PCDH15: variants seen among roughly 807,000 people sequenced by gnomAD.
The protein encoded by PCDH15 is protocadherin related 15.
PCDH15 carries 129 observed loss-of-function variants against 178.5 expected under a neutral mutation model. That is an observed-to-expected ratio of 0.72 (90% CI 0.63 to 0.84). The LOEUF (loss-of-function observed/expected upper bound fraction) is 0.84, where lower values mean the gene tolerates loss of function less well. PCDH15 is among the 40% of genes least tolerant of loss of function. The pLI is 0.00. For synonymous variants in PCDH15, 800 were observed against 732.0 expected (o/e 1.09, Z -1.50); for missense variants, 2,230 against 2,099.9 (o/e 1.06, Z -1.21).
intron 2 of PCDH15, among the ~76,000 whole-genome samples, chr10:55,140,245 G>T (rs936479060): frequency 6.6e-6 from 1 of 151,716 alleles, no homozygotes; most frequent in Non-Finnish European, 1.5e-5. Flanking sequence ...GCACTAGCTA[G>T]AATTTTTGGT....
intron 2 of PCDH15, among the ~76,000 whole-genome samples, chr10:54,578,196 T>TA (rs1251270974): frequency 1.3e-5 from 2 of 152,074 alleles, no homozygotes; most frequent in East Asian, 1.9e-4. Context: ...TGTAGTTCTT[T>TA]AAAAAAATCC....
intron 27 of PCDH15, among the ~76,000 whole-genome samples, chr10:53,863,399 T>C (rs1184881962): frequency 6.6e-6 from 1 of 152,038 alleles, no homozygotes; most frequent in Admixed American, 6.6e-5. Flanking sequence ...AGGGTAATAG[T>C]CAAGCATTGC....
At chr10:55,174,458 A>G (rs1360509527) in intron 1 of PCDH15, among the ~76,000 whole-genome samples, 1 of 152,174 alleles carries the variant, frequency 6.6e-6, no homozygotes, top group East Asian at 1.9e-4. Context: ...TGGCCTCCAG[A>G]GGAAAGTATT....
chr10:53,825,603 T>C (rs1000586636), intron 32 of PCDH15, among the ~76,000 whole-genome samples: 2 of 151,610 alleles, frequency 1.3e-5, no homozygotes, highest in African/African-American at 4.8e-5. Flanking sequence ...AAAGTAATTA[T>C]AGCATTCATA....
chr10:54,384,324 C>CG (rs1949660414), intron 3 of PCDH15, among the ~76,000 whole-genome samples: 1 of 39,386 alleles, frequency 2.5e-5, no homozygotes, highest in African/African-American at 6.7e-5. Context: ...AAGATCCCCC[C>CG]CCTTTTTTTT....
intron 20 of PCDH15, among the ~76,000 whole-genome samples, chr10:54,004,396 TACAC>T (rs199816870): frequency 0.076 from 5,535 of 72,878 alleles, 144 homozygotes; most frequent in South Asian, 0.23. Flanking sequence ...ACCTAAAGAC[TACAC>T]ACACACACAC....
At chr10:54,400,780 C>T (rs1951831696) in intron 3 of PCDH15, among the ~76,000 whole-genome samples, 1 of 151,300 alleles carries the variant, frequency 6.6e-6, no homozygotes, top group Non-Finnish European at 1.5e-5. Flanking sequence ...CAGATATCTA[C>T]CAGCAAAATA....
chr10:55,612,383 C>T (rs1445397829), intron 2 of PCDH15, among the ~76,000 whole-genome samples: 1 of 151,870 alleles, frequency 6.6e-6, no homozygotes, highest in Non-Finnish European at 1.5e-5. Flanking sequence ...TTCTATTATG[C>T]CAAAGTGTTT....
intron 8 of PCDH15, among the ~76,000 whole-genome samples, chr10:54,276,120 G>A (rs1049362673): frequency 6.6e-6 from 1 of 151,376 alleles, no homozygotes; most frequent in African/African-American, 2.4e-5. Flanking sequence ...CACAAAGAAA[G>A]CAAAACCCAT....
At chr10:53,913,433 G>A (rs935480128) in intron 25 of PCDH15, among the ~76,000 whole-genome samples, 1 of 151,918 alleles carries the variant, frequency 6.6e-6, no homozygotes, top group Non-Finnish European at 1.5e-5. Flanking sequence ...ATGAGATCTA[G>A]TTAAAATAAA....
chr10:54,107,960 C>T (rs1047885868), intron 15 of PCDH15, among the ~76,000 whole-genome samples: 7 of 152,108 alleles, frequency 4.6e-5, no homozygotes, highest in Admixed American at 1.3e-4. Context: ...GGTGTGATTT[C>T]AAAGCCCAAA....
chr10:54,771,758 CAGGTTG>C (rs908965392), intron 1 of PCDH15, among the ~76,000 whole-genome samples: 12 of 152,016 alleles, frequency 7.9e-5, no homozygotes, highest in Non-Finnish European at 1.3e-4. Context: ...AGACAGAGGA[CAGGTTG>C]AGGTTTGATT....
At chr10:55,625,231 C>T (rs760162634) in intron 2 of PCDH15, among the ~76,000 whole-genome samples, 1 of 151,632 alleles carries the variant, frequency 6.6e-6, no homozygotes, top group Non-Finnish European at 1.5e-5. Flanking sequence ...TCCAAGGCTG[C>T]AAATATACAA....
chr10:55,499,448 CACACAA>C (rs1379792773), intron 2 of PCDH15, among the ~76,000 whole-genome samples: 1 of 142,318 alleles, frequency 7.0e-6, no homozygotes, highest in Non-Finnish European at 1.5e-5. Flanking sequence ...CACACACACA[CACACAA>C]ATAATGTTGC....
At chr10:54,001,847 G>C (rs11003986) in intron 20 of PCDH15, among the ~76,000 whole-genome samples, 14,053 of 151,678 alleles carry the variant, frequency 0.093, 1,878 homozygotes, top group African/African-American at 0.29. Context: ...CACCTATAAA[G>C]ACACACATAG....
At chr10:55,343,054 A>G (rs1227438599) in intron 2 of PCDH15, among the ~76,000 whole-genome samples, 1 of 152,170 alleles carries the variant, frequency 6.6e-6, no homozygotes, top group African/African-American at 2.4e-5. Flanking sequence ...ACAGAAACCA[A>G]TATGGGTCTC....
chr10:54,397,817 T>C (rs926768411), intron 3 of PCDH15, among the ~76,000 whole-genome samples: 2 of 151,966 alleles, frequency 1.3e-5, no homozygotes, highest in African/African-American at 4.8e-5. Flanking sequence ...GACAAATGTT[T>C]TATTCATTAT....
At chr10:54,268,464 G>T (rs1174138470) in intron 8 of PCDH15, among the ~76,000 whole-genome samples, 1 of 151,876 alleles carries the variant, frequency 6.6e-6, no homozygotes, top group Non-Finnish European at 1.5e-5. Context: ...CACAGCACTT[G>T]CATGTTCTAT....
At chr10:54,740,509 C>A (rs1389408401) in intron 1 of PCDH15, among the ~76,000 whole-genome samples, 1 of 151,712 alleles carries the variant, frequency 6.6e-6, no homozygotes, top group African/African-American at 2.4e-5. Context: ...TATGATCCAG[C>A]AATTCCATTC....
Sources: allele counts gnomAD v4.1 joint callset (sites outside exome capture counted in the v4.1 genomes callset), GRCh38; gene constraint gnomAD v4.1.1; transcripts MANE v1.5; gene names NCBI Gene and HGNC (gene_info 2026-07-23, HGNC 2026-07-21).